Variants in PHLPP2 observed in about 807,000 individuals in gnomAD.
PHLPP2 encodes PH domain leucine-rich repeat-containing protein phosphatase 2.
A neutral mutation model predicts 124.9 loss-of-function variants in PHLPP2; 66 were observed. That is an observed-to-expected ratio of 0.53 (90% CI 0.43 to 0.65). PHLPP2 has a LOEUF of 0.65. PHLPP2 is among the 30% of genes least tolerant of loss of function. The pLI is 0.00. For missense variants in PHLPP2, 1,685 were observed against 1,600.4 expected (o/e 1.05, Z -0.90); for synonymous variants, 681 against 624.7 (o/e 1.09, Z -1.34).
chr16:71,714,639 A>T lies in PHLPP2; in HGVS notation c.157T>A (p.Ser53Thr). 6.2e-7 allele frequency: 1 copy of T among 1,613,774 alleles called. No individual in the cohort carries two copies. Among genetic ancestry groups the T allele is most frequent in the Non-Finnish European group, 8.5e-7 (1 of 1,179,704 alleles). The change falls in exon 2 of 19, where the codon TCT (serine) becomes ACT (threonine). Residue 53 changes from serine (S) to threonine (T), a missense_variant. Coordinates refer to ENST00000568954, the MANE Select transcript of PHLPP2 (RefSeq NM_015020.3). ...TCAGAGGAAGAGGAGGAGGAGGAAG[A>T]GGAAGAGGAGGTGGTGGTGGTTGTA... ...ATTTTTTSSS[S>T]SSSSSSSDLH...
chr16:71,664,728 G>C (rs1173358028), intron 12 of PHLPP2, among the ~76,000 whole-genome samples: 1 of 152,168 alleles, frequency 6.6e-6, no homozygotes, highest in Non-Finnish European at 1.5e-5. Flanking sequence ...CTCCAGCCTG[G>C]CAACAGAGTG....
At chr16:71,655,492 C>G in intron 16 of PHLPP2, 58 bp from the exon 17 acceptor site, 1 of 1,295,354 alleles carries the variant, frequency 7.7e-7, no homozygotes, top group Non-Finnish European at 1.1e-6. Context: ...TATTATTCTC[C>G]AGGGAGCATT....
At chr16:71,705,875 G>C (rs1026101940) in intron 2 of PHLPP2, among the ~76,000 whole-genome samples, 5 of 152,112 alleles carry the variant, frequency 3.3e-5, no homozygotes, top group Non-Finnish European at 5.9e-5. Flanking sequence ...AATATTTCAA[G>C]AAGTACAAAA....
chr16:71,718,066 T>C (rs574625318), intron 1 of PHLPP2, among the ~76,000 whole-genome samples: 57 of 152,198 alleles, frequency 3.7e-4, no homozygotes, highest in African/African-American at 1.3e-3. Flanking sequence ...TAATTTTTTG[T>C]ATGTTTTTAA....
chr16:71,693,072 C>T (rs12923644), intron 3 of PHLPP2, among the ~76,000 whole-genome samples: 74,783 of 151,928 alleles, frequency 0.49, 18,702 homozygotes, highest in Middle Eastern at 0.65. Context: ...GGGCGGATCA[C>T]GAGGTCAGAA....
intron 4 of PHLPP2, among the ~76,000 whole-genome samples, chr16:71,686,787 T>A (rs2045059047): frequency 6.6e-6 from 1 of 151,812 alleles, no homozygotes; most frequent in Non-Finnish European, 1.5e-5. Context: ...TTTTTTTCGC[T>A]TAGCAGTATT....
intron 15 of PHLPP2, among the ~76,000 whole-genome samples, chr16:71,657,318 T>TCCA: frequency 6.6e-6 from 1 of 152,186 alleles, no homozygotes; most frequent in Non-Finnish European, 1.5e-5. Context: ...CCTCAGGTGA[T>TCCA]CCACCCACCT....
intron 1 of PHLPP2, among the ~76,000 whole-genome samples, chr16:71,719,305 C>T (rs1256314764): frequency 6.6e-6 from 1 of 152,084 alleles, no homozygotes; most frequent in East Asian, 1.9e-4. Context: ...GAGGCTGAGG[C>T]GGGCAGGATC....
intron 3 of PHLPP2, among the ~76,000 whole-genome samples, chr16:71,699,470 T>C (rs901855660): frequency 3.9e-5 from 6 of 152,192 alleles, no homozygotes; most frequent in African/African-American, 1.2e-4. Context: ...GGGAGGCAAC[T>C]TGACTTCAAG....
chr16:71,669,933 G>T (rs905200843), intron 10 of PHLPP2, among the ~76,000 whole-genome samples: 4 of 152,154 alleles, frequency 2.6e-5, no homozygotes, highest in Non-Finnish European at 5.9e-5. Context: ...AGGCCTCAAG[G>T]TATCTACAGG....
chr16:71,669,396 C>A, intron 10 of PHLPP2, 26 bp from the exon 11 acceptor site: 1 of 1,485,330 alleles, frequency 6.7e-7, no homozygotes, highest in Non-Finnish European at 9.4e-7. Context: ...AATTAAATGG[C>A]ACCATTTAAG....
At chr16:71,672,374 C>G (rs539625074) in intron 9 of PHLPP2, 52 bp from the exon 10 acceptor site, 8 of 1,275,702 alleles carry the variant, frequency 6.3e-6, no homozygotes, top group African/African-American at 5.9e-5. Context: ...AAGAAAGTAA[C>G]TGAGAGCTGA....
chr16:71,705,743 C>T (rs1290281251), intron 2 of PHLPP2, among the ~76,000 whole-genome samples: 3 of 152,160 alleles, frequency 2.0e-5, no homozygotes, highest in African/African-American at 7.2e-5. Flanking sequence ...AACCCCTGAC[C>T]TCATGATCTG....
intron 3 of PHLPP2, among the ~76,000 whole-genome samples, chr16:71,695,878 A>T (rs982303075): frequency 1.3e-5 from 2 of 152,198 alleles, no homozygotes; most frequent in East Asian, 3.9e-4. Flanking sequence ...ACTATATAAA[A>T]ATAATCAAGT....
intron 10 of PHLPP2, among the ~76,000 whole-genome samples, chr16:71,671,161 TG>T: frequency 6.6e-6 from 1 of 152,310 alleles, no homozygotes; most frequent in South Asian, 2.1e-4. Flanking sequence ...TGATCCATGC[TG>T]GGGTTTTGCT....
rs61733128 is a variant in PHLPP2 at position 71,652,908 on chromosome 16, G to T, written c.2699C>A (p.Thr900Lys). ...ACCTCGGCACAGGACTGCTTGGCAC[G>T]TGCCAACATTGGCTACAGTCAAGCT... is the stretch of plus-strand genomic sequence containing the variant. ...SFSLTVANVG[T>K]CQAVLCRGGK... The change falls in exon 18 of 19, where the codon ACG becomes AAG. Residue 900 changes from threonine (T) to lysine (K), a missense_variant. Thr to Lys is a moderately conservative substitution (Grantham distance 78, BLOSUM62 -1). Coordinates refer to ENST00000568954, the MANE Select transcript of PHLPP2 (RefSeq NM_015020.3). 2.5e-6 allele frequency: 4 copies of T among 1,614,024 alleles called. No individual in the cohort carries two copies. In the South Asian group the frequency reaches 4.4e-5, roughly 18 times the overall value.
chr16:71,703,253 G>A (rs536338547), intron 2 of PHLPP2, among the ~76,000 whole-genome samples: 1 of 152,058 alleles, frequency 6.6e-6, no homozygotes, highest in African/African-American at 2.4e-5. Context: ...TTGGTGTCAG[G>A]ACCCCTTTAT....
chr16:71,669,406 G>C (rs758712530), intron 10 of PHLPP2, 36 bp from the exon 11 acceptor site: 1 of 1,413,726 alleles, frequency 7.1e-7, no homozygotes, highest in Admixed American at 1.7e-5. Flanking sequence ...CACCATTTAA[G>C]ATGACAAGTG....
chr16:71,694,750 A>G (rs1170477424), intron 3 of PHLPP2, among the ~76,000 whole-genome samples: 1 of 152,080 alleles, frequency 6.6e-6, no homozygotes, highest in African/African-American at 2.4e-5. Context: ...TAATCAGGGG[A>G]AAAAAATTTA....
Sources: allele counts gnomAD v4.1 joint callset (sites outside exome capture counted in the v4.1 genomes callset), GRCh38; gene constraint gnomAD v4.1.1; transcripts MANE v1.5; gene names NCBI Gene and HGNC (gene_info 2026-07-23, HGNC 2026-07-21).